ZNF592: variants seen among roughly 807,000 people sequenced by gnomAD.
ZNF592 encodes zinc finger protein 592.
A neutral mutation model predicts 80.3 loss-of-function variants in ZNF592; 11 were observed. That is an observed-to-expected ratio of 0.14 (90% CI 0.09 to 0.23). The LOEUF is 0.23. Ranked by LOEUF, ZNF592 falls within the 10% of genes least tolerant of loss-of-function variation. ZNF592 has a pLI of 1.00. For synonymous variants in ZNF592, 646 were observed against 640.3 expected, an observed-to-expected ratio of 1.01 and a Z score of -0.13; for missense variants, 1,420 against 1,633.9, an observed-to-expected ratio of 0.87 and a Z score of 2.26.
intron 2 of ZNF592, among the ~76,000 whole-genome samples, chr15:84,777,212 C>T (rs555998280): frequency 6.6e-6 from 1 of 151,846 alleles, no homozygotes; most frequent in East Asian, 1.9e-4. Flanking sequence ...CGCAGTTGCT[C>T]ACGCCTGTAA....
chr15:84,789,730 C>A (rs950545725), intron 4 of ZNF592, among the ~76,000 whole-genome samples: 4 of 152,166 alleles, frequency 2.6e-5, no homozygotes, highest in African/African-American at 9.7e-5. Flanking sequence ...TTTTAATGCT[C>A]ATGTTATCCT....
chr15:84,798,493 G>A lies in ZNF592; in HGVS notation c.2736+19G>A. On this transcript the variant is annotated intron_variant, in intron 7 of 10. Coordinates refer to ENST00000560079, the MANE Select transcript of ZNF592 (RefSeq NM_014630.3). The surrounding 1 kb of genome is among the most constrained non-coding windows in gnomAD (Gnocchi z 4.5). ...CGTCAAGGTGGGATGCCTTGCGGGA[G>A]GAGGCCGGGGAGGAGGGCACATGCC... 1 of 1,613,830 alleles carries A rather than the reference G, an allele frequency of 6.2e-7. No homozygotes were observed.
chr15:84,785,097 G>C (rs1962552967), intron 4 of ZNF592, among the ~76,000 whole-genome samples: 1 of 152,174 alleles, frequency 6.6e-6, no homozygotes, highest in Non-Finnish European at 1.5e-5. Context: ...CCCTAATTTA[G>C]CAAGTGTATT....
At chr15:84,774,947 GT>G (rs1273936452) in intron 2 of ZNF592, among the ~76,000 whole-genome samples, 1 of 151,664 alleles carries the variant, frequency 6.6e-6, no homozygotes, top group African/African-American at 2.4e-5. Flanking sequence ...CGCCCAGCTA[GT>G]TTTTGTATTT....
At chr15:84,791,370 G>A (rs992604480) in intron 5 of ZNF592, among the ~76,000 whole-genome samples, 1 of 152,116 alleles carries the variant, frequency 6.6e-6, no homozygotes, top group Non-Finnish European at 1.5e-5. Flanking sequence ...CAAAACCTGA[G>A]ACTGGAAAAA....
rs1216802801 is a variant in ZNF592, at chr15:84,801,994, G to A, written c.3405G>A (p.Ser1135=). The A allele has an allele frequency of 3.1e-6, 5 of 1,613,952 alleles. No individual in the cohort carries two copies. Among genetic ancestry groups the A allele is most frequent in the East Asian group, 4.5e-5 (2 of 44,878 alleles). ...QCAKCSFATD[S]GLEFQSHIPQ... is the part of the protein sequence containing the mutation. ...CGAAATGTAGTTTTGCCACAGACTC[G>A]GGGCTCGAGTTTCAGAGCCACATAC... Residue 1135 remains serine (S), a synonymous_variant, in exon 11 of 11, where the codon TCG becomes TCA. Coordinates refer to ENST00000560079, the MANE Select transcript of ZNF592 (RefSeq NM_014630.3).
chr15:84,772,122 A>G (rs567479934), intron 2 of ZNF592, among the ~76,000 whole-genome samples: 2 of 152,244 alleles, frequency 1.3e-5, no homozygotes, highest in East Asian at 3.9e-4. Context: ...TAGCTATACC[A>G]TTCCCAATCT....
chr15:84,794,328 TC>T (rs1262044881), intron 5 of ZNF592, among the ~76,000 whole-genome samples: 2 of 152,174 alleles, frequency 1.3e-5, no homozygotes, highest in East Asian at 1.9e-4. Context: ...CGTTTTTACA[TC>T]CCCACCAGCA....
intron 3 of ZNF592, among the ~76,000 whole-genome samples, chr15:84,781,286 TA>T (rs1962415754): frequency 6.6e-6 from 1 of 152,078 alleles, no homozygotes; most frequent in African/African-American, 2.4e-5. Context: ...GACCTCAAGC[TA>T]TCCACTCACC....
At chr15:84,796,050 C>T (rs1391926733) in intron 5 of ZNF592, among the ~76,000 whole-genome samples, 4 of 150,818 alleles carry the variant, frequency 2.7e-5, no homozygotes, top group South Asian at 2.1e-4. Context: ...GGTGAAACCC[C>T]GTCTCTACTA....
At chr15:84,766,378 G>A (rs1168074483) in intron 2 of ZNF592, among the ~76,000 whole-genome samples, 1 of 152,290 alleles carries the variant, frequency 6.6e-6, no homozygotes, top group East Asian at 1.9e-4. Flanking sequence ...GATCACCAGG[G>A]ACATACAATA....
intron 3 of ZNF592, among the ~76,000 whole-genome samples, chr15:84,780,057 A>G (rs1261092523): frequency 7.0e-6 from 1 of 142,822 alleles, no homozygotes; most frequent in Non-Finnish European, 1.5e-5. Context: ...CAAGATCTCG[A>G]CTCACTGCAA....
chr15:84,762,700 A>G (rs1266829184), intron 1 of ZNF592, among the ~76,000 whole-genome samples: 1 of 152,166 alleles, frequency 6.6e-6, no homozygotes, highest in Non-Finnish European at 1.5e-5. Flanking sequence ...AGCTGCTCTG[A>G]TGGGAAGGGC....
At chr15:84,771,216 C>T (rs992090122) in intron 2 of ZNF592, among the ~76,000 whole-genome samples, 1 of 152,080 alleles carries the variant, frequency 6.6e-6, no homozygotes, top group Admixed American at 6.6e-5. Flanking sequence ...GATTCCAGCC[C>T]CCTGTGAGAA....
In ZNF592 at chr15:84,798,071, G is replaced by A. The variant is rs373214699; in HGVS notation, c.2576+26G>A. Reference sequence around the variant, plus strand: ...GTGAGTGCAGCTCCAGGGCCAGCAGGCCCTGTGGAGCAGAGAGGAGTAGCC... The same window carrying A: ...GTGAGTGCAGCTCCAGGGCCAGCAGACCCTGTGGAGCAGAGAGGAGTAGCC... On this transcript the variant is annotated intron_variant, in intron 6 of 10. Transcript: ENST00000560079. This position sits in a 1 kb window ranked among gnomAD's most constrained non-coding sequence, Gnocchi z 4.5. The A allele has an allele frequency of 4.3e-6, 7 of 1,612,304 alleles. No homozygotes were observed. Among genetic ancestry groups the A allele is most frequent in the South Asian group, 1.1e-5 (1 of 91,002 alleles).
At chr15:84,769,945 C>T (rs974976443) in intron 2 of ZNF592, among the ~76,000 whole-genome samples, 2 of 151,982 alleles carry the variant, frequency 1.3e-5, no homozygotes, top group African/African-American at 4.8e-5. Flanking sequence ...CCAGTGGCAA[C>T]GTATGTTTCA....
At chr15:84,754,563 A>G (rs866424857) in intron 1 of ZNF592, 1 of 150,930 alleles carries the variant, frequency 6.6e-6, no homozygotes, top group Admixed American at 6.6e-5. Flanking sequence ...TTCCATTTCA[A>G]AAAAAAAAGG....
chr15:84,774,835 C>T (rs1054762226), intron 2 of ZNF592, among the ~76,000 whole-genome samples: 2 of 152,128 alleles, frequency 1.3e-5, no homozygotes, highest in Admixed American at 1.3e-4. Context: ...GGCTGGAGTA[C>T]AATGGCGTGA....
At chr15:84,801,346 A>C (rs1396358372) in intron 10 of ZNF592, among the ~76,000 whole-genome samples, 1 of 151,972 alleles carries the variant, frequency 6.6e-6, no homozygotes, top group African/African-American at 2.4e-5. Context: ...AATAAAATAA[A>C]ATAATTAGCT....
Sources: gnomAD v4.1 joint callset for allele counts (sites outside exome capture counted in the v4.1 genomes callset) on GRCh38, gnomAD v4.1.1 for gene constraint, Gnocchi (gnomAD v3.1) non-coding constraint, MANE v1.5 for transcripts, NCBI Gene and HGNC (gene_info 2026-07-23, HGNC 2026-07-21) for gene names.